The following RDX variants were observed in gnomAD, a reference collection of about 807,000 sequenced individuals.
RDX encodes the protein radixin.
Under a neutral mutation model 83.7 loss-of-function variants are expected in RDX, and 32 were observed. The ratio of observed to expected loss-of-function variants is 0.38; its 90% CI spans 0.29 to 0.51. The LOEUF (loss-of-function observed/expected upper bound fraction) is 0.51. Among genes scored for constraint, RDX ranks in the 20% least tolerant of loss-of-function variants. The probability of loss-of-function intolerance (pLI) is 0.87; values close to 1 mark genes in which losing one functional copy is unlikely to be tolerated. For synonymous variants in RDX, 229 were observed against 222.7 expected, an observed-to-expected ratio of 1.03 and a Z score of -0.25; for missense variants, 600 against 689.9, an observed-to-expected ratio of 0.87 and a Z score of 1.46.
At chr11:110,218,315 A>G (rs536180489) in intron 14 of RDX, among the ~76,000 whole-genome samples, 105 of 152,220 alleles carry the variant, frequency 6.9e-4, no homozygotes, top group Non-Finnish European at 8.7e-4. Flanking sequence ...CTTTTCAATG[A>G]TGTTCTTGTT....
rs547069574 is a variant in RDX, at chr11:110,239,693, C to T, written c.1091-2041G>A. On this transcript the variant is annotated intron_variant, in intron 10 of 13. Coordinates refer to ENST00000645495, the MANE Select transcript of RDX (RefSeq NM_002906.4). ...AGGCAAGGCTGGGCAAGGTGGCTCA[C>T]GCCTGTAAATCCCAGGACTTTGGGA... Among the ~76,000 whole-genome samples, 32 of 151,888 alleles carry T rather than the reference C, an allele frequency of 2.1e-4. 1 individual carries two copies. In the South Asian group the frequency reaches 5.0e-3, roughly 24 times the overall value.
chr11:110,192,606 A>G (rs1350461750), intron 15 of RDX, among the ~76,000 whole-genome samples: 1 of 152,248 alleles, frequency 6.6e-6, no homozygotes, highest in Non-Finnish European at 1.5e-5. Flanking sequence ...AAATATTCTC[A>G]AACTATGCTT....
chr11:110,178,849 G>A (rs983580023), intron 15 of RDX, among the ~76,000 whole-genome samples: 8 of 152,174 alleles, frequency 5.3e-5, no homozygotes, highest in African/African-American at 1.9e-4. Context: ...CTTGATGACA[G>A]ACATATCTGC....
intron 1 of RDX, among the ~76,000 whole-genome samples, chr11:110,289,098 C>T (rs904612677): frequency 2.0e-5 from 3 of 152,054 alleles, no homozygotes; most frequent in African/African-American, 2.4e-5. Context: ...ATTAGCCGAG[C>T]GTGGTGGCGC....
intron 1 of RDX, among the ~76,000 whole-genome samples, chr11:110,291,238 C>G (rs534226273): frequency 6.6e-6 from 1 of 152,134 alleles, no homozygotes; most frequent in Admixed American, 6.5e-5. Context: ...GGTGGGAGGA[C>G]TGCCTGAGCC....
intron 15 of RDX, among the ~76,000 whole-genome samples, chr11:110,188,296 A>AAATAATAATAATAAT (rs34384486): frequency 1.4e-5 from 2 of 142,482 alleles, no homozygotes; most frequent in East Asian, 2.0e-4. Flanking sequence ...CTCTGTCTCA[A>AAATAATAATAATAAT]AATAATAATA....
intron 10 of RDX, among the ~76,000 whole-genome samples, chr11:110,246,398 A>G (rs1244011274): frequency 6.6e-6 from 1 of 152,198 alleles, no homozygotes; most frequent in Non-Finnish European, 1.5e-5. Context: ...CTTAAATAAG[A>G]CTGAGTATCC....
intron 14 of RDX, among the ~76,000 whole-genome samples, chr11:110,202,239 A>G (rs1863436580): frequency 6.6e-6 from 1 of 151,930 alleles, no homozygotes; most frequent in African/African-American, 2.4e-5. Context: ...TACTAAAAAT[A>G]CAAAAATTAC....
intron 2 of RDX, chr11:110,273,092 G>A (rs971463099): frequency 2.2e-6 from 1 of 456,006 alleles, no homozygotes; most frequent in African/African-American, 2.0e-5. Flanking sequence ...GGTGGCATGT[G>A]CCTGTTATTT....
intron 15 of RDX, among the ~76,000 whole-genome samples, chr11:110,189,803 G>A (rs1163749457): frequency 6.6e-6 from 1 of 152,190 alleles, no homozygotes; most frequent in Non-Finnish European, 1.5e-5. Context: ...AATTCTTTTG[G>A]CCAGGTGTGG....
chr11:110,188,860 A>T (rs1043557397), intron 15 of RDX, among the ~76,000 whole-genome samples: 2 of 152,304 alleles, frequency 1.3e-5, no homozygotes, highest in East Asian at 3.9e-4. Flanking sequence ...TGTTCTAAAC[A>T]TGGAAATGAA....
intron 9 of RDX, among the ~76,000 whole-genome samples, chr11:110,250,020 C>A (rs141890236): frequency 3.4e-4 from 52 of 152,294 alleles, no homozygotes; most frequent in African/African-American, 1.3e-3. Context: ...AGTATTTGGG[C>A]TCACTCTGCA....
At chr11:110,211,964 A>G (rs1863854201) in intron 14 of RDX, among the ~76,000 whole-genome samples, 1 of 142,680 alleles carries the variant, frequency 7.0e-6, no homozygotes, top group African/African-American at 2.6e-5. Flanking sequence ...AGCTAGCAGA[A>G]GGCAAGAAAT....
chr11:110,284,910 G>C (rs965065183), intron 1 of RDX, among the ~76,000 whole-genome samples: 4 of 152,162 alleles, frequency 2.6e-5, no homozygotes, highest in Admixed American at 2.6e-4. Context: ...TTAAAAATCA[G>C]AGACAGAGAT....
chr11:110,231,647 A>C lies in RDX; in HGVS notation c.*222T>G. 1.7e-6 allele frequency: 1 copy of C among 581,686 alleles called. No homozygotes were observed. Among genetic ancestry groups the C allele is most frequent in the Non-Finnish European group, 3.1e-6 (1 of 326,514 alleles). 36.0% of individuals were successfully genotyped at this position (581,686 alleles called of 1,614,324 possible). Reference sequence around the variant, plus strand: ...AAAATGTGAAAAGAGGCAATGGAACACCATTCTCCATTCCCTGGACCAAAA... The same window carrying C: ...AAAATGTGAAAAGAGGCAATGGAACCCCATTCTCCATTCCCTGGACCAAAA... On this transcript the variant is annotated 3_prime_UTR_variant, in exon 14 of 14. Transcript: ENST00000645495.
At chr11:110,223,365 T>A (rs562141159) in intron 14 of RDX, among the ~76,000 whole-genome samples, 124 of 150,004 alleles carry the variant, frequency 8.3e-4, no homozygotes, top group African/African-American at 2.6e-3. Context: ...AAAATAATAA[T>A]AAAAAACAAA....
In RDX at chr11:110,270,575, T is replaced by C. The variant is rs117467159; in HGVS notation, c.96+1961A>G. ...ATAGATTTTCATTTAACTCTCACAA[T>C]AAACCTCTGAAGAAGTAATGTTACC... On this transcript the variant is annotated intron_variant, in intron 3 of 13. Coordinates refer to ENST00000645495, the MANE Select transcript of RDX (RefSeq NM_002906.4). Among the ~76,000 whole-genome samples the C allele has an allele frequency of 5.8e-3, 886 of 152,282 alleles. 11 individuals are homozygous for C. Among genetic ancestry groups the C allele is most frequent in the Non-Finnish European group, 5.7e-3 (385 of 68,016 alleles).
Position 110,231,986 on chromosome 11 carries a change from T to C in RDX, c.1635A>G (p.Thr545=). ...LAQARDETKK[T]QNDVLHAENV... ...TCTCAGCATGAAGAACATCATTTTG[T>C]GTTTTCTTGGTTTCATCTCTGGCTT... The change falls in exon 14 of 14, where the codon ACA becomes ACG. Residue 545 remains threonine (T), a synonymous_variant. Transcript: ENST00000645495. 1 of 1,614,176 alleles carries C rather than the reference T, an allele frequency of 6.2e-7. No individual in the cohort carries two copies. Among genetic ancestry groups the C allele is most frequent in the Non-Finnish European group, 8.5e-7 (1 of 1,180,008 alleles).
chr11:110,190,896 A>T (rs1445183558), intron 15 of RDX, among the ~76,000 whole-genome samples: 1 of 152,228 alleles, frequency 6.6e-6, no homozygotes, highest in East Asian at 1.9e-4. Context: ...ATCAGGAAGA[A>T]ATCGAAACTC....
Sources: allele counts gnomAD v4.1 joint callset (sites outside exome capture counted in the v4.1 genomes callset), GRCh38; gene constraint gnomAD v4.1.1; transcripts MANE v1.5; gene names NCBI Gene and HGNC (gene_info 2026-07-23, HGNC 2026-07-21).